DNAH6: variants seen among roughly 807,000 people sequenced by gnomAD.
DNAH6 encodes the protein axonemal beta dynein heavy chain 6.
In DNAH6, 340 loss-of-function variants were observed where a neutral mutation model predicts 491.4. The ratio of observed to expected loss-of-function variants is 0.69; its 90% CI spans 0.63 to 0.76. The LOEUF is 0.76. Among genes scored for constraint, DNAH6 ranks in the 30% least tolerant of loss-of-function variants. The pLI, the probability that DNAH6 is intolerant of heterozygous loss-of-function variation, is 0.00. For missense variants in DNAH6, 4,443 were observed against 4,972.2 expected (o/e 0.89, Z 3.20); for synonymous variants, 1,603 against 1,686.1 (o/e 0.95, Z 1.21).
chr2:84,692,230 C>G (rs901599123), intron 45 of DNAH6, among the ~76,000 whole-genome samples: 1 of 152,146 alleles, frequency 6.6e-6, no homozygotes, highest in African/African-American at 2.4e-5. Flanking sequence ...ATGCACTGTT[C>G]TCATAGAGAA....
At chr2:84,539,282 C>G (rs1465494523) in intron 4 of DNAH6, among the ~76,000 whole-genome samples, 1 of 152,080 alleles carries the variant, frequency 6.6e-6, no homozygotes, top group Non-Finnish European at 1.5e-5. Flanking sequence ...TAGATCTAGA[C>G]TCCAGATTGT....
chr2:84,800,476 C>T (rs1174536393), intron 70 of DNAH6, among the ~76,000 whole-genome samples: 1 of 151,926 alleles, frequency 6.6e-6, no homozygotes, highest in East Asian at 1.9e-4. Flanking sequence ...CAATGAGATC[C>T]AAGAGAAAGT....
intron 63 of DNAH6, among the ~76,000 whole-genome samples, chr2:84,754,348 C>CT: frequency 6.6e-6 from 1 of 151,720 alleles, no homozygotes; most frequent in African/African-American, 2.4e-5. Context: ...CCTGGCTAAT[C>CT]TTTTTGTATT....
chr2:84,749,397 G>A (rs1673258910), intron 63 of DNAH6, among the ~76,000 whole-genome samples: 1 of 152,186 alleles, frequency 6.6e-6, no homozygotes, highest in South Asian at 2.1e-4. Flanking sequence ...CTAGGGATGT[G>A]GCACAGCTGG....
intron 61 of DNAH6, among the ~76,000 whole-genome samples, chr2:84,732,571 A>G (rs373939515): frequency 2.6e-4 from 40 of 152,328 alleles, no homozygotes; most frequent in African/African-American, 9.6e-4. Flanking sequence ...AGTGTCCATA[A>G]TGGGCAAATA....
At position 84,704,071 on chromosome 2, in the gene DNAH6, G is replaced by T. The variant is rs772664016; in HGVS notation, c.8234G>T (p.Arg2745Leu). 1.3e-6 allele frequency: 2 copies of T among 1,551,434 alleles called. No individual in the cohort carries two copies. ...CAGTCATGTTTCAATGGTTAGGTCC[G>T]TAACACTGTGCAGGAGGATGAAGCA... Reference protein sequence around the residue: ...AVDQESADQVRNTVQEDEATA... With the variant: ...AVDQESADQVLNTVQEDEATA... The change falls in exon 51 of 77, where the codon CGT (arginine) becomes CTT (leucine). Residue 2745 changes from arginine to leucine, a missense_variant. Transcript: ENST00000389394.
At chr2:84,562,981 G>A (rs916138945) in intron 11 of DNAH6, among the ~76,000 whole-genome samples, 19 of 152,244 alleles carry the variant, frequency 1.2e-4, no homozygotes, top group African/African-American at 4.6e-4. Flanking sequence ...TCATGGGGGC[G>A]GGTTTTCCCG....
intron 56 of DNAH6, among the ~76,000 whole-genome samples, chr2:84,712,867 T>C (rs933435379): frequency 1.3e-5 from 2 of 152,246 alleles, no homozygotes; most frequent in Admixed American, 6.5e-5. Flanking sequence ...TTGATCTAAA[T>C]AGATATATTG....
chr2:84,554,090 T>C (rs371537248), intron 10 of DNAH6, among the ~76,000 whole-genome samples: 1 of 152,222 alleles, frequency 6.6e-6, no homozygotes. Flanking sequence ...TTCCTTGCCA[T>C]GTGGCCCACT....
Position 84,701,248 on chromosome 2 carries a change from G to T in DNAH6, c.7970G>T (p.Arg2657Leu). Residue 2657 changes from arginine to leucine, a missense_variant, in exon 49 of 77, where the codon CGC becomes CTC. Arg to Leu is a moderately radical substitution (Grantham distance 102). Around this residue, in one of 3 missense-constraint regions of DNAH6, gnomAD observed 2,977 missense variants for 3,296.6 expected, o/e 0.90. Transcript: ENST00000389394. ...SMAERYYNEL[R>L]RRYYTTPTSY... ...GCAGAGCGCTATTACAATGAGCTGC[G>T]CAGGCGGTACTACACGACACCCACC... 2 of 1,551,780 alleles carry T rather than the reference G, an allele frequency of 1.3e-6. No individual in the cohort carries two copies. Among genetic ancestry groups the T allele is most frequent in the Admixed American group, 3.9e-5 (2 of 51,010 alleles).
intron 35 of DNAH6, among the ~76,000 whole-genome samples, chr2:84,656,367 A>G (rs1281604651): frequency 6.6e-6 from 1 of 152,100 alleles, no homozygotes; most frequent in Non-Finnish European, 1.5e-5. Context: ...AACTGTCAAG[A>G]CTGTCTTCTA....
chr2:84,766,849 T>G (rs1378208212), intron 64 of DNAH6, among the ~76,000 whole-genome samples: 1 of 152,016 alleles, frequency 6.6e-6, no homozygotes, highest in Non-Finnish European at 1.5e-5. Context: ...GCCCACTAAG[T>G]AGGAGGGGAG....
intron 13 of DNAH6, 38 bp downstream of exon 13, chr2:84,577,446 A>G (rs1682571705): frequency 1.4e-6 from 2 of 1,445,320 alleles, no homozygotes; most frequent in Admixed American, 4.6e-5. Context: ...TTATTCCTCT[A>G]CAATTATTTT....
chr2:84,548,244 T>A, intron 7 of DNAH6, 44 bp from the exon 8 acceptor site: 1 of 1,549,008 alleles, frequency 6.5e-7, no homozygotes, highest in Non-Finnish European at 8.7e-7. Context: ...GAGATGGAAC[T>A]TTTACACAAG....
chr2:84,657,130 C>G (rs1203683155), intron 35 of DNAH6, among the ~76,000 whole-genome samples: 1 of 152,010 alleles, frequency 6.6e-6, no homozygotes, highest in Admixed American at 6.6e-5. Flanking sequence ...CGTTAAAAAT[C>G]AATTGACTGT....
chr2:84,728,032 C>T (rs765820197), intron 61 of DNAH6, 130 bp downstream of exon 61: 23 of 642,566 alleles, frequency 3.6e-5, no homozygotes, highest in Admixed American at 8.0e-5. Context: ...TACTGAATCA[C>T]GGGGGCAGTT....
At chr2:84,757,006 A>G (rs980092592) in intron 63 of DNAH6, among the ~76,000 whole-genome samples, 1 of 152,172 alleles carries the variant, frequency 6.6e-6, no homozygotes, top group Non-Finnish European at 1.5e-5. Context: ...GAAGAGATTG[A>G]CCATTCTCTA....
intron 67 of DNAH6, among the ~76,000 whole-genome samples, chr2:84,786,559 T>A (rs1192278180): frequency 6.6e-6 from 1 of 151,748 alleles, no homozygotes; most frequent in Non-Finnish European, 1.5e-5. Context: ...GCAGCTGAGA[T>A]GAGGAGGTAG....
chr2:84,468,655 T>C, the DNAH6 span, among the ~76,000 whole-genome samples: 3 of 152,152 alleles, frequency 2.0e-5, no homozygotes, highest in African/African-American at 7.2e-5. Context: ...ACTTCGTAGG[T>C]GGGGAATCAA....
Sources: gnomAD v4.1 joint callset for allele counts (sites outside exome capture counted in the v4.1 genomes callset) on GRCh38, gnomAD v4.1.1 for gene constraint, gnomAD v4.1.1 regional missense constraint, MANE v1.5 for transcripts, NCBI Gene and HGNC (gene_info 2026-07-23, HGNC 2026-07-21) for gene names.